Variants in CWC27 observed in about 807,000 individuals in gnomAD.
CWC27 encodes the protein spliceosome-associated protein CWC27 homolog.
A neutral mutation model predicts 63.6 loss-of-function variants in CWC27; 47 were observed. The observed-to-expected ratio is 0.74, with a 90% confidence interval of 0.58 to 0.94. CWC27 has a LOEUF of 0.94. CWC27 is among the 40% of genes least tolerant of loss of function. The pLI, the probability that CWC27 is intolerant of heterozygous loss-of-function variation, is 0.00. For missense variants in CWC27, 495 were observed against 554.3 expected, an observed-to-expected ratio of 0.89 and a Z score of 1.07; for synonymous variants, 175 against 179.8, an observed-to-expected ratio of 0.97 and a Z score of 0.22.
chr5:64,938,724 C>T (rs190020681), intron 11 of CWC27, among the ~76,000 whole-genome samples: 1 of 152,282 alleles, frequency 6.6e-6, no homozygotes, highest in Non-Finnish European at 1.5e-5. Context: ...CCATTCTCCC[C>T]ATCACTTTCA....
intron 10 of CWC27, among the ~76,000 whole-genome samples, chr5:64,830,132 C>T (rs753713514): frequency 2.6e-5 from 4 of 151,020 alleles, no homozygotes; most frequent in Non-Finnish European, 5.9e-5. Flanking sequence ...CCCGTTAACT[C>T]GTCATTTACA....
At chr5:64,929,528 CA>C (rs1748194370) in intron 11 of CWC27, among the ~76,000 whole-genome samples, 1 of 152,018 alleles carries the variant, frequency 6.6e-6, no homozygotes, top group Non-Finnish European at 1.5e-5. Flanking sequence ...AAAGATAATG[CA>C]ATTTTTAAAT....
At chr5:64,929,952 C>A (rs1020645216) in intron 11 of CWC27, among the ~76,000 whole-genome samples, 65 of 148,412 alleles carry the variant, frequency 4.4e-4, no homozygotes, top group African/African-American at 1.6e-3. Flanking sequence ...TCACAATAAA[C>A]AAAAAAGGGA....
At chr5:64,796,871 C>T (rs1744296447) in intron 7 of CWC27, among the ~76,000 whole-genome samples, 1 of 137,356 alleles carries the variant, frequency 7.3e-6, no homozygotes. Context: ...TTTCCTCCTT[C>T]CTTCCTTCTT....
At chr5:64,853,428 A>C (rs1389318362) in intron 10 of CWC27, among the ~76,000 whole-genome samples, 2 of 152,156 alleles carry the variant, frequency 1.3e-5, no homozygotes, top group Non-Finnish European at 2.9e-5. Context: ...CCCTTCATAG[A>C]ATGCAAATTT....
At chr5:65,005,040 C>T (rs1420711852) in intron 13 of CWC27, among the ~76,000 whole-genome samples, 1 of 151,144 alleles carries the variant, frequency 6.6e-6, no homozygotes, top group African/African-American at 2.4e-5. Context: ...CTGTTGAGTT[C>T]CTCAGTGATT....
chr5:64,829,356 T>C (rs1435369074), intron 10 of CWC27, among the ~76,000 whole-genome samples: 1 of 152,136 alleles, frequency 6.6e-6, no homozygotes, highest in Non-Finnish European at 1.5e-5. Flanking sequence ...ATAGGTAAAA[T>C]TTCCCTCCAG....
At chr5:64,816,985 C>G (rs1237079456) in intron 10 of CWC27, among the ~76,000 whole-genome samples, 1 of 152,132 alleles carries the variant, frequency 6.6e-6, no homozygotes, top group African/African-American at 2.4e-5. Context: ...CCTTTTCCCA[C>G]CACCAAATCT....
At chr5:64,806,798 T>C (rs1744690582) in intron 10 of CWC27, among the ~76,000 whole-genome samples, 2 of 152,098 alleles carry the variant, frequency 1.3e-5, no homozygotes, top group African/African-American at 4.8e-5. Context: ...GCTATGATCC[T>C]GTATGGGCAA....
chr5:64,952,747 G>A (rs1748734897), intron 11 of CWC27, among the ~76,000 whole-genome samples: 2 of 152,000 alleles, frequency 1.3e-5, no homozygotes, highest in South Asian at 2.1e-4. Flanking sequence ...GTGGATACTA[G>A]ACACTCTATT....
intron 10 of CWC27, among the ~76,000 whole-genome samples, chr5:64,857,876 G>T (rs935029591): frequency 4.6e-4 from 70 of 152,228 alleles, no homozygotes; most frequent in African/African-American, 1.7e-3. Context: ...GGTGGCTCAC[G>T]CTTGTAATCC....
chr5:64,955,301 T>C (rs980006812), intron 11 of CWC27, among the ~76,000 whole-genome samples: 1 of 152,176 alleles, frequency 6.6e-6, no homozygotes, highest in African/African-American at 2.4e-5. Flanking sequence ...TAAACAAATA[T>C]TATAGTTTCT....
At chr5:64,907,126 C>G (rs1187300141) in intron 11 of CWC27, among the ~76,000 whole-genome samples, 1 of 152,132 alleles carries the variant, frequency 6.6e-6, no homozygotes, top group African/African-American at 2.4e-5. Flanking sequence ...GTTCTTTTGG[C>G]TTAGGATTGA....
chr5:64,918,678 G>T (rs1375315223), intron 11 of CWC27, among the ~76,000 whole-genome samples: 5 of 152,082 alleles, frequency 3.3e-5, no homozygotes, highest in Non-Finnish European at 7.4e-5. Flanking sequence ...AGACCAGTTG[G>T]TCTTTACTGT....
chr5:64,878,141 T>C (rs976079378), intron 10 of CWC27, among the ~76,000 whole-genome samples: 7 of 151,928 alleles, frequency 4.6e-5, no homozygotes, highest in African/African-American at 1.7e-4. Context: ...GAGAATTAAT[T>C]GCCTTTTCAT....
chr5:64,938,236 C>T (rs1476623347), intron 11 of CWC27, among the ~76,000 whole-genome samples: 4 of 152,154 alleles, frequency 2.6e-5, no homozygotes, highest in Non-Finnish European at 5.9e-5. Flanking sequence ...TTTGCAGTGG[C>T]TGATACCGGT....
At chr5:64,771,399 A>G (rs74757831) in intron 1 of CWC27, among the ~76,000 whole-genome samples, 4 of 152,250 alleles carry the variant, frequency 2.6e-5, no homozygotes, top group Non-Finnish European at 4.4e-5. Context: ...TAATTGATAC[A>G]TGATACCAGT....
chr5:64,996,038 A>T (rs893097551), intron 13 of CWC27, among the ~76,000 whole-genome samples: 1 of 152,208 alleles, frequency 6.6e-6, no homozygotes, highest in Non-Finnish European at 1.5e-5. Context: ...AAATAGCATG[A>T]GGAATAAAAA....
chr5:64,810,554 G>T (rs1053511038), intron 10 of CWC27, among the ~76,000 whole-genome samples: 64 of 151,906 alleles, frequency 4.2e-4, no homozygotes, highest in African/African-American at 1.5e-3. Context: ...CCATTTATTT[G>T]TGCCTTCTTC....
Sources: allele counts gnomAD v4.1 joint callset (sites outside exome capture counted in the v4.1 genomes callset), GRCh38; gene constraint gnomAD v4.1.1; transcripts MANE v1.5; gene names NCBI Gene and HGNC (gene_info 2026-07-23, HGNC 2026-07-21).